CCDC93: variants seen among roughly 807,000 people sequenced by gnomAD.
CCDC93 encodes the protein coiled-coil domain-containing protein 93.
Under a neutral mutation model 108.2 loss-of-function variants are expected in CCDC93, and 61 were observed. The observed-to-expected ratio is 0.56, with a 90% CI of 0.46 to 0.70. The LOEUF is 0.70. Among genes scored for constraint, CCDC93 ranks in the 30% least tolerant of loss-of-function variants. CCDC93 has a pLI of 0.00. For synonymous variants in CCDC93, 276 were observed against 260.4 expected, an observed-to-expected ratio of 1.06 and a Z score of -0.58; for missense variants, 685 against 764.2, an observed-to-expected ratio of 0.90 and a Z score of 1.22.
chr2:117,966,103 T>C (rs1679560707), intron 11 of CCDC93, among the ~76,000 whole-genome samples: 1 of 152,230 alleles, frequency 6.6e-6, no homozygotes, highest in African/African-American at 2.4e-5. Context: ...CCTGAGGGCC[T>C]AGTGGAAACG....
intron 11 of CCDC93, among the ~76,000 whole-genome samples, chr2:117,967,152 C>T (rs1023940456): frequency 6.6e-6 from 1 of 152,158 alleles, no homozygotes; most frequent in African/African-American, 2.4e-5. Context: ...TGCCACCACA[C>T]CCAGCTAATT....
chr2:117,948,383 C>T (rs1678943695), intron 14 of CCDC93, among the ~76,000 whole-genome samples, 197 bp from the exon 15 acceptor site: 2 of 152,302 alleles, frequency 1.3e-5, no homozygotes, highest in African/African-American at 2.4e-5. Flanking sequence ...AAACCCAAGA[C>T]CATCAATGCC....
chr2:117,947,920 TC>T, intron 15 of CCDC93, 184 bp downstream of exon 15: 2 of 568,092 alleles, frequency 3.5e-6, no homozygotes, highest in Non-Finnish European at 6.3e-6. Flanking sequence ...GGTCTCGATC[TC>T]CTGACCTCGT....
chr2:117,936,932 C>T (rs1391219827), intron 20 of CCDC93, 193 bp from the exon 21 acceptor site: 6 of 577,318 alleles, frequency 1.0e-5, no homozygotes, highest in Admixed American at 5.8e-5. Context: ...TCAGGGAATC[C>T]ACCTTCTTCT....
intron 7 of CCDC93, among the ~76,000 whole-genome samples, chr2:117,983,041 T>C (rs1680198475): frequency 6.6e-6 from 1 of 152,180 alleles, no homozygotes; most frequent in African/African-American, 2.4e-5. Flanking sequence ...TTTTCTCTTA[T>C]CTATATAAAG....
At chr2:117,956,409 T>A (rs566148041) in intron 12 of CCDC93, among the ~76,000 whole-genome samples, 1 of 152,266 alleles carries the variant, frequency 6.6e-6, no homozygotes, top group South Asian at 2.1e-4. Context: ...GTGTTGAGGC[T>A]TAGTATTGCT....
intron 23 of CCDC93, among the ~76,000 whole-genome samples, chr2:117,922,697 T>G (rs1677912019): frequency 6.6e-6 from 1 of 152,008 alleles, no homozygotes; most frequent in South Asian, 2.1e-4. Flanking sequence ...CAGGATGCAG[T>G]GAGAATTCAG....
chr2:117,955,044 T>C (rs1679175391), intron 12 of CCDC93, among the ~76,000 whole-genome samples: 1 of 152,222 alleles, frequency 6.6e-6, no homozygotes, highest in Non-Finnish European at 1.5e-5. Flanking sequence ...GTCTCAGGTA[T>C]GTCTTTATCA....
intron 1 of CCDC93, among the ~76,000 whole-genome samples, chr2:118,013,365 G>A (rs1002260025): frequency 6.6e-5 from 10 of 152,294 alleles, no homozygotes; most frequent in African/African-American, 2.2e-4. Context: ...CCGGCGCGCT[G>A]ACCCAGCGGG....
In CCDC93 at chr2:118,000,884, T is replaced by G; in HGVS notation, c.300A>C (p.Pro100=). 6.2e-7 allele frequency: 1 copy of G among 1,613,822 alleles called. No homozygotes were observed. Among genetic ancestry groups the G allele is most frequent in the South Asian group, 1.1e-5 (1 of 91,068 alleles). ...IVSVLPRMKC[P]HQLEPHQIQG... ...GGATCTGGTGGGGCTCCAGCTGGTG[T>G]GGGCATTTCATCCTTGGCAGGACCG... The change falls in exon 4 of 24, where the codon CCA becomes CCC. Residue 100 remains proline, a synonymous_variant. Transcript: ENST00000376300.
At chr2:118,006,933 A>G (rs1381859014) in intron 2 of CCDC93, 117 bp from the exon 3 acceptor site, 17 of 646,582 alleles carry the variant, frequency 2.6e-5, no homozygotes, top group Admixed American at 5.5e-5. Flanking sequence ...ACAAAATTAT[A>G]TATCTTGAGA....
At chr2:117,944,750 A>C in intron 17 of CCDC93, 1 of 471,182 alleles carries the variant, frequency 2.1e-6, no homozygotes, top group Non-Finnish European at 4.4e-6. Context: ...GCTCAGCTGC[A>C]GGCAAAATCC....
chr2:117,922,848 T>C (rs1038913688), intron 23 of CCDC93, among the ~76,000 whole-genome samples: 5 of 152,070 alleles, frequency 3.3e-5, no homozygotes, highest in South Asian at 4.1e-4. Context: ...TGGCTGAAGA[T>C]ATGGGGTAGA....
In CCDC93 at chr2:117,986,106, A is replaced by G. The variant is rs773807518; in HGVS notation, c.520-37T>C. The G allele has an allele frequency of 3.1e-6, 4 of 1,275,530 alleles. No individual in the cohort carries two copies. In the South Asian group the frequency reaches 3.6e-5, roughly 12 times the overall value. 79.0% of individuals were successfully genotyped at this position (1,275,530 alleles called of 1,614,324 possible). A position where few individuals can be genotyped will look rare whatever the true frequency, so the allele number is the denominator to read the frequency against. Reference sequence around the variant, plus strand: ...AGACAGCCAAGTTACTGAGTGTGAGAAGGCTCTCCTCCTGAATTGGCTGCT... The same window carrying G: ...AGACAGCCAAGTTACTGAGTGTGAGGAGGCTCTCCTCCTGAATTGGCTGCT... On this transcript the variant is annotated intron_variant, in intron 6 of 23. Coordinates refer to ENST00000376300, the MANE Select transcript of CCDC93 (RefSeq NM_019044.5).
chr2:117,920,460 A>T, intron 23 of CCDC93, 64 bp from the exon 24 acceptor site: 1 of 1,165,656 alleles, frequency 8.6e-7, no homozygotes, highest in Non-Finnish European at 1.3e-6. Context: ...TGAGGCCAAG[A>T]TGGTCTCAAA....
chr2:117,925,495 T>G (rs992928777), intron 23 of CCDC93, among the ~76,000 whole-genome samples: 5 of 152,180 alleles, frequency 3.3e-5, no homozygotes, highest in African/African-American at 1.2e-4. Flanking sequence ...AAACAGACTT[T>G]AAACCGACAA....
chr2:117,970,229 T>A (rs2104774983), intron 11 of CCDC93, among the ~76,000 whole-genome samples: 1 of 152,216 alleles, frequency 6.6e-6, no homozygotes, highest in Non-Finnish European at 1.5e-5. Context: ...GACATAAAAA[T>A]AGAATCAAGT....
chr2:117,949,877 G>A (rs1005179261), intron 13 of CCDC93: 2 of 985,286 alleles, frequency 2.0e-6, no homozygotes, highest in African/African-American at 1.7e-5. Context: ...GACAGGAATG[G>A]CCTCAGGAAG....
chr2:117,977,497 C>T (rs975836269), intron 8 of CCDC93, among the ~76,000 whole-genome samples: 14 of 152,194 alleles, frequency 9.2e-5, no homozygotes, highest in African/African-American at 3.4e-4. Context: ...GACAATGAAG[C>T]ATCATTAATA....
Sources: allele counts gnomAD v4.1 joint callset (sites outside exome capture counted in the v4.1 genomes callset), GRCh38; gene constraint gnomAD v4.1.1; transcripts MANE v1.5; gene names NCBI Gene and HGNC (gene_info 2026-07-23, HGNC 2026-07-21).